The following ANTXR1 variants were observed in gnomAD, a reference collection of about 807,000 sequenced individuals.
ANTXR1 encodes the protein anthrax toxin receptor 1.
In ANTXR1, 19 loss-of-function variants were observed where a neutral mutation model predicts 78.1. The ratio of observed to expected loss-of-function variants is 0.24; its 90% CI spans 0.17 to 0.36. ANTXR1 has a LOEUF of 0.36. Among genes scored for constraint, ANTXR1 ranks in the 10% least tolerant of loss-of-function variants. The pLI, the probability that ANTXR1 is intolerant of heterozygous loss-of-function variation, is 1.00. For missense variants in ANTXR1, 518 were observed against 718.6 expected, an observed-to-expected ratio of 0.72 and a Z score of 3.19; for synonymous variants, 273 against 260.5, an observed-to-expected ratio of 1.05 and a Z score of -0.46.
At chr2:69,159,915 A>G in intron 13 of ANTXR1, among the ~76,000 whole-genome samples, 1 of 152,256 alleles carries the variant, frequency 6.6e-6, no homozygotes, top group Non-Finnish European at 1.5e-5. Flanking sequence ...AAGTGGAAAT[A>G]AAAATAAAGC....
At chr2:69,048,869 G>C (rs1669851131) in intron 3 of ANTXR1, among the ~76,000 whole-genome samples, 1 of 152,036 alleles carries the variant, frequency 6.6e-6, no homozygotes, top group Non-Finnish European at 1.5e-5. Context: ...ATTTTCACTC[G>C]AACTGTGTGA....
In ANTXR1 at chr2:69,179,129, A is replaced by G. The variant is rs191680975; in HGVS notation, c.1090-2657A>G. ...TAAAGTTTAACCACATATAGGACAT[A>G]TAAGATTCCTGCTTTCACATCATAA... On this transcript the variant is annotated intron_variant, in intron 14 of 17. Coordinates refer to ENST00000303714, the MANE Select transcript of ANTXR1 (RefSeq NM_032208.3). Among the ~76,000 whole-genome samples, 4 of 152,376 alleles carry G rather than the reference A, an allele frequency of 2.6e-5. No individual in the cohort carries two copies. The East Asian group carries it at 5.8e-4, about 22-fold the overall frequency.
intron 1 of ANTXR1, among the ~76,000 whole-genome samples, chr2:69,028,951 T>A (rs1409626488): frequency 6.6e-6 from 1 of 152,054 alleles, no homozygotes; most frequent in Non-Finnish European, 1.5e-5. Flanking sequence ...GTGCGATGGC[T>A]CTCACCTGTA....
chr2:69,081,221 T>A (rs1251924742), intron 8 of ANTXR1, among the ~76,000 whole-genome samples: 1 of 152,160 alleles, frequency 6.6e-6, no homozygotes, highest in Non-Finnish European at 1.5e-5. Flanking sequence ...CTTATAATGG[T>A]GGAGTGGGGA....
chr2:69,014,214 C>G (rs886474665), intron 1 of ANTXR1, among the ~76,000 whole-genome samples: 3 of 152,222 alleles, frequency 2.0e-5, no homozygotes, highest in African/African-American at 7.2e-5. Context: ...CTTGGCACTT[C>G]TGAGATTGAA....
At chr2:69,207,095 C>A (rs12474538) in intron 17 of ANTXR1, among the ~76,000 whole-genome samples, 18,981 of 152,168 alleles carry the variant, frequency 0.12, 1,252 homozygotes, top group Non-Finnish European at 0.15. Flanking sequence ...AGGGTGTCAT[C>A]CACAGCCAGG....
chr2:69,232,231 G>A (rs937731366), intron 17 of ANTXR1, among the ~76,000 whole-genome samples: 2 of 151,796 alleles, frequency 1.3e-5, no homozygotes, highest in South Asian at 4.2e-4. Flanking sequence ...TAATTAAATC[G>A]AATCAAAAAA....
At chr2:69,042,456 C>T (rs986117460) in intron 2 of ANTXR1, among the ~76,000 whole-genome samples, 1 of 152,158 alleles carries the variant, frequency 6.6e-6, no homozygotes, top group Non-Finnish European at 1.5e-5. Flanking sequence ...CCATTTTAGT[C>T]TGACTTTATC....
At chr2:69,075,524 G>A (rs887229136) in intron 6 of ANTXR1, 66 bp from the exon 7 acceptor site, 11 of 1,476,890 alleles carry the variant, frequency 7.4e-6, no homozygotes, top group African/African-American at 5.5e-5. Context: ...AGTTAGTCAG[G>A]TAGCTCCAAG....
intron 3 of ANTXR1, among the ~76,000 whole-genome samples, chr2:69,053,429 G>T (rs1220277970): frequency 2.0e-5 from 3 of 152,070 alleles, no homozygotes. Flanking sequence ...TCACTTCCCC[G>T]CCATCCCTCA....
intron 12 of ANTXR1, among the ~76,000 whole-genome samples, chr2:69,130,074 T>C (rs1558580735): frequency 6.6e-6 from 1 of 152,166 alleles, no homozygotes; most frequent in Non-Finnish European, 1.5e-5. Flanking sequence ...CCTTTCAATT[T>C]GGGGACATTT....
intron 3 of ANTXR1, among the ~76,000 whole-genome samples, chr2:69,050,395 G>C (rs1669896459): frequency 6.6e-6 from 1 of 151,840 alleles, no homozygotes. Context: ...TGTTTTTATT[G>C]TGTTTCTGGT....
At chr2:69,059,560 C>T (rs535776540) in intron 3 of ANTXR1, among the ~76,000 whole-genome samples, 1 of 152,112 alleles carries the variant, frequency 6.6e-6, no homozygotes. Context: ...CTCACTGCAA[C>T]CTCCGTCTCC....
At chr2:69,061,096 C>T (rs1159594802) in intron 3 of ANTXR1, among the ~76,000 whole-genome samples, 1 of 152,244 alleles carries the variant, frequency 6.6e-6, no homozygotes, top group Admixed American at 6.5e-5. Flanking sequence ...CTTGTAGAAT[C>T]CTAGAAAGCT....
chr2:69,175,525 G>A (rs1232494687), intron 14 of ANTXR1, among the ~76,000 whole-genome samples: 1 of 152,164 alleles, frequency 6.6e-6, no homozygotes, highest in Non-Finnish European at 1.5e-5. Flanking sequence ...TGGGGAGGCT[G>A]AGGCTGGAGG....
At chr2:69,212,127 A>G (rs76176855) in intron 17 of ANTXR1, among the ~76,000 whole-genome samples, 7,145 of 152,246 alleles carry the variant, frequency 0.047, 602 homozygotes, top group African/African-American at 0.16. Context: ...TACCTTGCAT[A>G]TGGTAGAATT....
chr2:69,097,732 G>T (rs940076708), intron 9 of ANTXR1, among the ~76,000 whole-genome samples: 2 of 152,142 alleles, frequency 1.3e-5, no homozygotes, highest in African/African-American at 4.8e-5. Flanking sequence ...CCACTCCGAG[G>T]TTTTACCTAA....
chr2:69,138,795 A>G (rs938474580), intron 12 of ANTXR1, among the ~76,000 whole-genome samples: 2 of 152,212 alleles, frequency 1.3e-5, no homozygotes, highest in Non-Finnish European at 2.9e-5. Flanking sequence ...CAACTGAAAT[A>G]TTACTGAGTT....
chr2:69,167,605 A>T (rs530869132), intron 13 of ANTXR1, among the ~76,000 whole-genome samples: 1 of 152,340 alleles, frequency 6.6e-6, no homozygotes, highest in East Asian at 1.9e-4. Context: ...CTGTCCTGCC[A>T]TCCTGTGGTG....
Sources: gnomAD v4.1 joint callset for allele counts (sites outside exome capture counted in the v4.1 genomes callset) on GRCh38, gnomAD v4.1.1 for gene constraint, MANE v1.5 for transcripts, NCBI Gene and HGNC (gene_info 2026-07-23, HGNC 2026-07-21) for gene names.